FGF14: variants seen among roughly 807,000 people sequenced by gnomAD.
The protein encoded by FGF14 is fibroblast growth factor 14, also known as fibroblast growth factor homologous factor 4.
A neutral mutation model predicts 25.5 loss-of-function variants in FGF14; 5 were observed. The ratio of observed to expected loss-of-function variants is 0.20; its 90% CI spans 0.10 to 0.41. The LOEUF (loss-of-function observed/expected upper bound fraction) is 0.41. FGF14 is among the 10% of genes least tolerant of loss of function. The pLI, the probability that FGF14 is intolerant of heterozygous loss-of-function variation, is 1.00. For synonymous variants in FGF14, 138 were observed against 118.3 expected (o/e 1.17, Z -1.08); for missense variants, 222 against 320.1 (o/e 0.69, Z 2.34).
At chr13:102,165,265 C>T (rs563511226) in intron 1 of FGF14, among the ~76,000 whole-genome samples, 62 of 152,110 alleles carry the variant, frequency 4.1e-4, no homozygotes, top group African/African-American at 1.3e-3. Context: ...GGCGATTCCT[C>T]AGGGATCTAG....
chr13:102,259,843 G>A (rs1393860697), intron 1 of FGF14, among the ~76,000 whole-genome samples: 1 of 152,184 alleles, frequency 6.6e-6, no homozygotes, highest in Non-Finnish European at 1.5e-5. Flanking sequence ...TTCCAGTACT[G>A]TTTCTATGAC....
intron 1 of FGF14, among the ~76,000 whole-genome samples, chr13:102,396,247 C>A (rs1180232088): frequency 6.6e-6 from 1 of 152,106 alleles, no homozygotes; most frequent in East Asian, 1.9e-4. Flanking sequence ...GGAGGTAATA[C>A]TGAGTTGGGC....
chr13:101,741,634 TAAA>T (rs11299686), intron 3 of FGF14, among the ~76,000 whole-genome samples: 57 of 143,746 alleles, frequency 4.0e-4, no homozygotes, highest in Admixed American at 4.8e-4. Context: ...TTTATTACAG[TAAA>T]AAAAAAAAAA....
At chr13:102,140,051 C>CT (rs1025201591) in intron 1 of FGF14, among the ~76,000 whole-genome samples, 4 of 144,364 alleles carry the variant, frequency 2.8e-5, no homozygotes, top group Admixed American at 6.9e-5. Context: ...AGACCCCCCC[C>CT]CCCCCTTACA....
intron 3 of FGF14, chr13:101,801,743 A>G (rs1227825135): frequency 6.4e-6 from 1 of 157,000 alleles, no homozygotes; most frequent in African/African-American, 2.4e-5. Context: ...GAAATGGAGA[A>G]TATCTGATGG....
chr13:102,346,594 AG>A (rs2057113073), intron 1 of FGF14, among the ~76,000 whole-genome samples: 1 of 152,170 alleles, frequency 6.6e-6, no homozygotes, highest in Non-Finnish European at 1.5e-5. Context: ...AGAACATATA[AG>A]CTCAGAATAT....
At chr13:102,313,515 T>A (rs1159058474) in intron 1 of FGF14, among the ~76,000 whole-genome samples, 1 of 151,626 alleles carries the variant, frequency 6.6e-6, no homozygotes, top group Non-Finnish European at 1.5e-5. Context: ...GGTGAGAAAG[T>A]GAAAGTCAAA....
intron 1 of FGF14, among the ~76,000 whole-genome samples, chr13:101,977,201 A>AG (rs34767585): frequency 0.35 from 52,883 of 151,826 alleles, 9,785 homozygotes; most frequent in East Asian, 0.7. Context: ...CCCAGGACCC[A>AG]GGCACTACTC....
intron 1 of FGF14, among the ~76,000 whole-genome samples, chr13:102,273,819 G>A (rs907722999): frequency 4.0e-5 from 6 of 151,784 alleles, no homozygotes; most frequent in African/African-American, 1.5e-4. Context: ...AGTGCCTGTA[G>A]TCTCAACTAC....
chr13:102,185,118 A>G (rs535610590), intron 1 of FGF14, among the ~76,000 whole-genome samples: 2 of 152,274 alleles, frequency 1.3e-5, no homozygotes, highest in African/African-American at 2.4e-5. Context: ...AGAAATTACT[A>G]TTGCTGGAAT....
intron 1 of FGF14, among the ~76,000 whole-genome samples, chr13:101,974,584 A>G (rs905517089): frequency 2.0e-5 from 3 of 152,168 alleles, no homozygotes; most frequent in Non-Finnish European, 2.9e-5. Flanking sequence ...GAGCTACCAC[A>G]TTGCACAACT....
At chr13:102,208,231 G>A (rs1027722174) in intron 1 of FGF14, among the ~76,000 whole-genome samples, 2 of 152,160 alleles carry the variant, frequency 1.3e-5, no homozygotes, top group African/African-American at 4.8e-5. Context: ...TAATCAGAAA[G>A]CAATGCTGAC....
At chr13:101,883,941 TA>T (rs34964834) in intron 1 of FGF14, among the ~76,000 whole-genome samples, 8,586 of 150,932 alleles carry the variant, frequency 0.057, 394 homozygotes, top group East Asian at 0.25. Flanking sequence ...CATGTGCCTG[TA>T]ATCCCAGCTA....
intron 3 of FGF14, among the ~76,000 whole-genome samples, chr13:101,808,720 A>C (rs2041336903): frequency 6.6e-6 from 1 of 152,056 alleles, no homozygotes; most frequent in Non-Finnish European, 1.5e-5. Context: ...TAAGAGATTG[A>C]GCTAACCTAT....
At chr13:102,328,612 C>A (rs2056536949) in intron 1 of FGF14, among the ~76,000 whole-genome samples, 1 of 152,214 alleles carries the variant, frequency 6.6e-6, no homozygotes, top group Non-Finnish European at 1.5e-5. Flanking sequence ...AGAGCACTGC[C>A]TGGTACATTG....
At chr13:101,923,536 AGACT>A (rs1217211128) in intron 1 of FGF14, among the ~76,000 whole-genome samples, 2 of 152,126 alleles carry the variant, frequency 1.3e-5, no homozygotes, top group African/African-American at 4.8e-5. Flanking sequence ...TAGTTAATTA[AGACT>A]GACTGCTTAT....
chr13:101,891,669 T>C lies in FGF14; in HGVS notation c.194-16373A>G, dbSNP rs1284911255. Among the ~76,000 whole-genome samples the C allele has an allele frequency of 2.0e-5, 3 of 152,100 alleles. No individual in the cohort carries two copies. The East Asian group carries it at 5.8e-4, about 29-fold the overall frequency. On this transcript the variant is annotated intron_variant, in intron 1 of 4. Coordinates refer to ENST00000376143, the MANE Select transcript of FGF14 (RefSeq NM_004115.4). ...ATTTATGTAAATACACAAATCTATA[T>C]ATGTATTTCTATATATATACATACA... is the stretch of plus-strand genomic sequence containing the variant.
intron 1 of FGF14, among the ~76,000 whole-genome samples, chr13:101,926,195 T>C (rs2034350417): frequency 6.6e-6 from 1 of 152,214 alleles, no homozygotes; most frequent in African/African-American, 2.4e-5. Context: ...CTACCACACC[T>C]ACCCTGTATC....
intron 1 of FGF14, among the ~76,000 whole-genome samples, chr13:102,054,825 C>T (rs1218563797): frequency 6.6e-6 from 1 of 152,106 alleles, no homozygotes; most frequent in African/African-American, 2.4e-5. Context: ...CAGAGTTATC[C>T]CTCCTTTTAT....
Sources: allele counts gnomAD v4.1 joint callset (sites outside exome capture counted in the v4.1 genomes callset), GRCh38; gene constraint gnomAD v4.1.1; transcripts MANE v1.5; gene names NCBI Gene and HGNC (gene_info 2026-07-23, HGNC 2026-07-21).